Variants in FAM98A observed in about 807,000 individuals in gnomAD.
FAM98A encodes the protein protein FAM98A.
Under a neutral mutation model 62.9 loss-of-function variants are expected in FAM98A, and 25 were observed. That is an observed-to-expected ratio of 0.40 (90% confidence interval 0.29 to 0.56). FAM98A has a LOEUF of 0.56. Ranked by LOEUF, FAM98A falls within the 20% of genes least tolerant of loss-of-function variation. The probability of loss-of-function intolerance (pLI) is 0.51; values close to 1 mark genes in which losing one functional copy is unlikely to be tolerated. For synonymous variants in FAM98A, 252 were observed against 228.6 expected, an observed-to-expected ratio of 1.10 and a Z score of -0.92; for missense variants, 653 against 640.7, an observed-to-expected ratio of 1.02 and a Z score of -0.21.
At chr2:33,598,913 C>T (rs1572422299) in intron 1 of FAM98A, among the ~76,000 whole-genome samples, 2 of 152,144 alleles carry the variant, frequency 1.3e-5, no homozygotes. Context: ...CAATGACACG[C>T]ATGACTGACA....
In FAM98A at chr2:33,585,704, A is replaced by G; in HGVS notation, c.721-7T>C. ...CTAATTTTTCTGTCTGGCTCTGTTG[A>G]AAGAAAAGTGTTCAAAGAGAAATGT... On this transcript the variant is annotated splice_region_variant and splice_polypyrimidine_tract_variant and intron_variant, in intron 6 of 7. Transcript: ENST00000238823. 2 of 1,605,492 alleles carry G rather than the reference A, an allele frequency of 1.2e-6. No homozygotes were observed. The highest frequency in any genetic ancestry group is 1.7e-6 in the Non-Finnish European group (2 of 1,176,558).
chr2:33,594,756 C>T (rs1179875091), intron 2 of FAM98A, among the ~76,000 whole-genome samples: 3 of 150,556 alleles, frequency 2.0e-5, no homozygotes, highest in Non-Finnish European at 3.0e-5. Flanking sequence ...CTCTTCAAAA[C>T]GTGATTATGT....
At chr2:33,586,810 T>C (rs1476799258) in intron 5 of FAM98A, 132 bp from the exon 6 acceptor site, 1 of 615,268 alleles carries the variant, frequency 1.6e-6, no homozygotes, top group South Asian at 2.0e-5. Context: ...TCTTATTCCA[T>C]ATAATATACT....
intron 6 of FAM98A, among the ~76,000 whole-genome samples, chr2:33,585,983 T>C (rs1677539385): frequency 1.3e-5 from 2 of 152,148 alleles, no homozygotes; most frequent in African/African-American, 4.8e-5. Flanking sequence ...GATAAAAAGG[T>C]TCCCCCATCA....
intron 4 of FAM98A, 127 bp downstream of exon 4, chr2:33,588,208 C>T (rs1368484039): frequency 2.6e-5 from 19 of 741,092 alleles, no homozygotes; most frequent in South Asian, 1.8e-4. Context: ...AAACTCATTT[C>T]GTAACAATTA....
intron 3 of FAM98A, among the ~76,000 whole-genome samples, chr2:33,590,068 A>G (rs1677638880): frequency 6.6e-6 from 1 of 152,196 alleles, no homozygotes; most frequent in African/African-American, 2.4e-5. Flanking sequence ...GCACTGGGAA[A>G]GGCACTGAAG....
chr2:33,599,075 G>C (rs1408960067), intron 1 of FAM98A, 94 bp downstream of exon 1: 2 of 1,020,346 alleles, frequency 2.0e-6, no homozygotes, highest in South Asian at 2.5e-5. Context: ...GGGGTGCGGC[G>C]TGGAGAGGCA....
chr2:33,588,233 C>T, intron 4 of FAM98A, 102 bp downstream of exon 4: 1 of 878,212 alleles, frequency 1.1e-6, no homozygotes, highest in Non-Finnish European at 1.8e-6. Context: ...ATAATATATG[C>T]ACATTAGGTT....
chr2:33,585,831 T>C, intron 6 of FAM98A, 134 bp from the exon 7 acceptor site: 4 of 753,494 alleles, frequency 5.3e-6, no homozygotes, highest in Non-Finnish European at 8.6e-6. Context: ...GGAAAAGTTA[T>C]ATACTCACTA....
chr2:33,596,401 A>C (rs1677811958), intron 1 of FAM98A, among the ~76,000 whole-genome samples: 1 of 152,176 alleles, frequency 6.6e-6, no homozygotes, highest in South Asian at 2.1e-4. Flanking sequence ...TTCCAATATA[A>C]TTTTAAAAAA....
chr2:33,588,625 G>C (rs1677609264), intron 3 of FAM98A, 106 bp from the exon 4 acceptor site: 3 of 720,800 alleles, frequency 4.2e-6, no homozygotes, highest in Non-Finnish European at 6.2e-6. Flanking sequence ...TGTTAAAGCT[G>C]CAAGAATGGA....
chr2:33,590,782 G>A (rs1677655017), intron 3 of FAM98A, among the ~76,000 whole-genome samples: 1 of 152,174 alleles, frequency 6.6e-6, no homozygotes, highest in South Asian at 2.1e-4. Flanking sequence ...AGAAAAGTGT[G>A]AAAGGCATTT....
At position 33,584,628 on chromosome 2, in the gene FAM98A, T is replaced by C. The variant is rs1272904807; in HGVS notation, c.*148A>G. 2.9e-6 allele frequency: 2 copies of C among 680,462 alleles called. No homozygotes were observed. The highest frequency in any genetic ancestry group is 5.1e-6 in the Non-Finnish European group (2 of 394,800). 42.2% of individuals were successfully genotyped at this position (680,462 alleles called of 1,614,324 possible). ...AGTCCAATAAAAAAATCTAACAGAA[T>C]TGAATGAAGACCTACAAATGCTTAT... On this transcript the variant is annotated 3_prime_UTR_variant, in exon 8 of 8. Coordinates refer to ENST00000238823, the MANE Select transcript of FAM98A (RefSeq NM_015475.5).
chr2:33,592,180 C>T lies in FAM98A; in HGVS notation c.237G>A (p.Val79=). The T allele has an allele frequency of 6.2e-7, 1 of 1,612,838 alleles. No homozygotes were observed. Among genetic ancestry groups the T allele is most frequent in the Non-Finnish European group, 8.5e-7 (1 of 1,179,068 alleles). ...PSEAEEFQLE[V]SGLLGEMNCP... ...AGTTCATCTCCCCTAGTAGCCCACT[C>T]ACCTCAAGCTGGAATTCTTCAGCTT... The change falls in exon 3 of 8, where the codon GTG becomes GTA. Residue 79 remains valine (V), a synonymous_variant. Transcript: ENST00000238823.
chr2:33,591,280 T>A (rs1677666691), intron 3 of FAM98A, among the ~76,000 whole-genome samples: 2 of 152,136 alleles, frequency 1.3e-5, no homozygotes, highest in African/African-American at 2.4e-5. Flanking sequence ...ACAAAGATTT[T>A]AAAAATCCTC....
At chr2:33,590,779 T>A (rs148882621) in intron 3 of FAM98A, among the ~76,000 whole-genome samples, 2 of 152,232 alleles carry the variant, frequency 1.3e-5, no homozygotes, top group African/African-American at 4.8e-5. Context: ...AACAGAAAAG[T>A]GTGAAAGGCA....
At chr2:33,591,898 T>C (rs1677679090) in intron 3 of FAM98A, 182 bp downstream of exon 3, 1 of 489,172 alleles carries the variant, frequency 2.0e-6, no homozygotes, top group South Asian at 3.9e-5. Context: ...AAAACAATAA[T>C]GCTACCAGTG....
At position 33,586,557 on chromosome 2, in the gene FAM98A, T is replaced by C; in HGVS notation, c.720+5A>G. ...GTCTGCTCTTTTAAATTATTTAATG[T>C]GTACCTTAGCTCTGTCAGACCAGCC... On this transcript the variant is annotated splice_donor_5th_base_variant and intron_variant, in intron 6 of 7. Coordinates refer to ENST00000238823, the MANE Select transcript of FAM98A (RefSeq NM_015475.5). 6.5e-7 allele frequency: 1 copy of C among 1,547,240 alleles called. No individual in the cohort carries two copies. The highest frequency in any genetic ancestry group is 8.9e-7 in the Non-Finnish European group (1 of 1,119,410).
Position 33,585,039 on chromosome 2 carries a change from A to G in FAM98A, c.1294T>C (p.Tyr432His). The G allele has an allele frequency of 6.2e-7, 1 of 1,613,928 alleles. No individual in the cohort carries two copies. Among genetic ancestry groups the G allele is most frequent in the Non-Finnish European group, 8.5e-7 (1 of 1,179,980 alleles). The change falls in exon 8 of 8, where the codon TAT becomes CAT. Residue 432 changes from tyrosine to histidine, a missense_variant. Tyr to His is a moderately conservative substitution (Grantham distance 83). Coordinates refer to ENST00000238823, the MANE Select transcript of FAM98A (RefSeq NM_015475.5). ...CCACCCTGGTATCCACTTCCTGTAT[A>G]TGAAGAAGATGTTTGGAAGCCACCA... ...GYGGFQTSSS[Y>H]TGSGYQGGGY...
Sources: gnomAD v4.1 joint callset for allele counts (sites outside exome capture counted in the v4.1 genomes callset) on GRCh38, gnomAD v4.1.1 for gene constraint, MANE v1.5 for transcripts, NCBI Gene and HGNC (gene_info 2026-07-23, HGNC 2026-07-21) for gene names.